PDSS2: variants seen among roughly 807,000 people sequenced by gnomAD.
The protein encoded by PDSS2 is all trans-polyprenyl-diphosphate synthase PDSS2.
A neutral mutation model predicts 44.5 loss-of-function variants in PDSS2; 31 were observed. The ratio of observed to expected loss-of-function variants is 0.70; its 90% CI spans 0.52 to 0.94. The LOEUF is 0.94. PDSS2 is among the 40% of genes least tolerant of loss of function. The probability of loss-of-function intolerance (pLI) is 0.00; values close to 1 mark genes in which losing one functional copy is unlikely to be tolerated. For synonymous variants in PDSS2, 157 were observed against 180.3 expected, an observed-to-expected ratio of 0.87 and a Z score of 1.03; for missense variants, 452 against 482.2, an observed-to-expected ratio of 0.94 and a Z score of 0.59.
At chr6:107,368,356 G>A (rs1370416870) in intron 1 of PDSS2, among the ~76,000 whole-genome samples, 1 of 151,234 alleles carries the variant, frequency 6.6e-6, no homozygotes, top group Non-Finnish European at 1.5e-5. Flanking sequence ...AGAATAAAAT[G>A]CTCAGGAATA....
At chr6:107,180,762 G>C (rs1223138862) in intron 7 of PDSS2, among the ~76,000 whole-genome samples, 2 of 152,150 alleles carry the variant, frequency 1.3e-5, no homozygotes, top group African/African-American at 2.4e-5. Context: ...GTAAATTGAA[G>C]AGTGGGAGAG....
chr6:107,273,311 T>C (rs540866676), intron 3 of PDSS2, among the ~76,000 whole-genome samples: 1 of 151,970 alleles, frequency 6.6e-6, no homozygotes, highest in East Asian at 1.9e-4. Context: ...AGTGAGACCA[T>C]GTCTCTATAA....
intron 2 of PDSS2, among the ~76,000 whole-genome samples, chr6:107,316,458 T>A (rs183217327): frequency 7.9e-5 from 12 of 152,228 alleles, no homozygotes; most frequent in East Asian, 5.8e-4. Context: ...CTTTTTTTTT[T>A]AAATGTAAAT....
chr6:107,373,506 G>C (rs1014714709), intron 1 of PDSS2, among the ~76,000 whole-genome samples: 1 of 152,176 alleles, frequency 6.6e-6, no homozygotes, highest in Non-Finnish European at 1.5e-5. Context: ...TGAATCTAGA[G>C]ACAGACTGTA....
intron 7 of PDSS2, among the ~76,000 whole-genome samples, chr6:107,165,827 T>C (rs1156639608): frequency 2.0e-5 from 3 of 151,964 alleles, no homozygotes; most frequent in Non-Finnish European, 2.9e-5. Flanking sequence ...TGTTTGTGTC[T>C]TCTTTTATTT....
chr6:107,330,639 A>G (rs1777684983), intron 2 of PDSS2, among the ~76,000 whole-genome samples: 1 of 152,222 alleles, frequency 6.6e-6, no homozygotes, highest in African/African-American at 2.4e-5. Context: ...TTTGTACACA[A>G]AATAAAACTA....
intron 2 of PDSS2, among the ~76,000 whole-genome samples, chr6:107,278,440 C>T (rs951702922): frequency 2.6e-5 from 4 of 152,198 alleles, no homozygotes; most frequent in African/African-American, 7.2e-5. Context: ...TACTATCCTG[C>T]GAATGATTTC....
chr6:107,299,662 C>T (rs1388054930), intron 2 of PDSS2, among the ~76,000 whole-genome samples: 2 of 152,166 alleles, frequency 1.3e-5, no homozygotes, highest in African/African-American at 2.4e-5. Context: ...TGCGGCTTCC[C>T]GAATATATTA....
Position 107,334,287 on chromosome 6 carries a change from C to T in PDSS2, c.342G>A (p.Leu114=). ...DSWNSLQLRG[L]VVLLISKAAG... ...CTGCTTTAGAGATAAGGAGCACCAC[C>T]AAGCCCCTCAACTGGAGGCTATTCC... Residue 114 remains leucine, a synonymous_variant, in exon 2 of 8, where the codon TTG becomes TTA. Transcript: ENST00000369037. 2.5e-6 allele frequency: 4 copies of T among 1,613,430 alleles called. No individual in the cohort carries two copies. The highest frequency in any genetic ancestry group is 3.4e-6 in the Non-Finnish European group (4 of 1,179,510).
intron 1 of PDSS2, among the ~76,000 whole-genome samples, chr6:107,434,358 G>A (rs755737406): frequency 1.1e-4 from 17 of 152,194 alleles, no homozygotes; most frequent in Admixed American, 4.6e-4. Flanking sequence ...CAACCTAAGT[G>A]TCCATGAACA....
intron 1 of PDSS2, among the ~76,000 whole-genome samples, chr6:107,438,543 C>T (rs1298456332): frequency 6.6e-6 from 1 of 152,040 alleles, no homozygotes; most frequent in African/African-American, 2.4e-5. Flanking sequence ...CAAAAATGAA[C>T]AAATAACTCC....
chr6:107,179,737 C>T (rs561678289), intron 7 of PDSS2, among the ~76,000 whole-genome samples: 60 of 152,218 alleles, frequency 3.9e-4, no homozygotes, highest in Admixed American at 7.2e-4. Flanking sequence ...GACATAGCCA[C>T]CTTGTTATTT....
chr6:107,375,711 A>G (rs1349624306), intron 1 of PDSS2, among the ~76,000 whole-genome samples: 4 of 152,216 alleles, frequency 2.6e-5, no homozygotes. Flanking sequence ...CCCTGAGACT[A>G]AAACCAGAAA....
chr6:107,379,628 T>A (rs1329716695), intron 1 of PDSS2, among the ~76,000 whole-genome samples: 1 of 152,246 alleles, frequency 6.6e-6, no homozygotes, highest in African/African-American at 2.4e-5. Context: ...TTATTTTGAA[T>A]TGAAGTGTGT....
intron 1 of PDSS2, among the ~76,000 whole-genome samples, chr6:107,388,747 C>T (rs2114512168): frequency 6.6e-6 from 1 of 152,264 alleles, no homozygotes; most frequent in South Asian, 2.1e-4. Flanking sequence ...CGTGAGCCAC[C>T]GTGCTCGGCC....
At chr6:107,409,722 C>T (rs367826717) in intron 1 of PDSS2, among the ~76,000 whole-genome samples, 1 of 152,154 alleles carries the variant, frequency 6.6e-6, no homozygotes, top group Non-Finnish European at 1.5e-5. Flanking sequence ...TCATGTAATC[C>T]TCACTATCCT....
chr6:107,309,605 C>T (rs1322889822), intron 2 of PDSS2, among the ~76,000 whole-genome samples: 2 of 152,174 alleles, frequency 1.3e-5, no homozygotes, highest in African/African-American at 4.8e-5. Flanking sequence ...AGCCCTGGTG[C>T]CCACAATGCA....
intron 4 of PDSS2, among the ~76,000 whole-genome samples, chr6:107,242,539 T>C (rs928227295): frequency 6.6e-6 from 1 of 151,770 alleles, no homozygotes; most frequent in African/African-American, 2.4e-5. Flanking sequence ...CCACCACGCC[T>C]GGCCAAAAAT....
intron 1 of PDSS2, among the ~76,000 whole-genome samples, chr6:107,377,586 C>T (rs1312340826): frequency 6.6e-6 from 1 of 152,132 alleles, no homozygotes; most frequent in African/African-American, 2.4e-5. Context: ...CACACGCACA[C>T]ATATGTTTAT....
Sources: allele counts gnomAD v4.1 joint callset (sites outside exome capture counted in the v4.1 genomes callset), GRCh38; gene constraint gnomAD v4.1.1; transcripts MANE v1.5; gene names NCBI Gene and HGNC (gene_info 2026-07-23, HGNC 2026-07-21).